The following KIF13A variants were observed in gnomAD, a reference collection of about 807,000 sequenced individuals.
The protein encoded by KIF13A is kinesin-like protein KIF13A.
KIF13A carries 79 observed loss-of-function variants against 212.2 expected under a neutral mutation model. The ratio of observed to expected loss-of-function variants is 0.37; its 90% CI spans 0.31 to 0.45. KIF13A has a LOEUF of 0.45. KIF13A is among the 20% of genes least tolerant of loss of function. The pLI, the probability that KIF13A is intolerant of heterozygous loss-of-function variation, is 1.00. For synonymous variants in KIF13A, 789 were observed against 808.6 expected (o/e 0.98, Z 0.41); for missense variants, 1,901 against 2,209.0 (o/e 0.86, Z 2.79).
At position 17,897,527 on chromosome 6, in the gene KIF13A, C is replaced by G. The variant is rs1772676345; in HGVS notation, c.159+641G>C. Among the ~76,000 whole-genome samples, 1 of 152,202 alleles carries G rather than the reference C, an allele frequency of 6.6e-6. No individual in the cohort carries two copies. The highest frequency in any genetic ancestry group is 2.1e-4 in the South Asian group (1 of 4,836). On this transcript the variant is annotated intron_variant, in intron 3 of 38. Coordinates refer to ENST00000259711, the MANE Select transcript of KIF13A (RefSeq NM_022113.6). The surrounding 1 kb of genome is among the most constrained non-coding windows in gnomAD (Gnocchi z 4.8). The stretch of plus-strand genomic sequence containing the variant: ...CCCACTTCCCTCCTCTAACTATTCT[C>G]TAACTTCTGGCCTTCTCACTGGTAA...
Position 17,794,476 on chromosome 6 carries a change from A to T in KIF13A, c.3076-81T>A. The stretch of plus-strand genomic sequence containing the variant: ...ATAAAGAAGGGGAAAAGGATTAGAG[A>T]ATAAAGATACAAATAGTTAGAAAAT... On this transcript the variant is annotated intron_variant, in intron 24 of 38. Coordinates refer to ENST00000259711, the MANE Select transcript of KIF13A (RefSeq NM_022113.6). The surrounding 1 kb of genome is among the most constrained non-coding windows in gnomAD (Gnocchi z 4.1). The T allele has an allele frequency of 6.4e-7, 1 of 1,562,710 alleles. No homozygotes were observed. The highest frequency in any genetic ancestry group is 8.7e-7 in the Non-Finnish European group (1 of 1,149,566).
At position 17,872,802 on chromosome 6, in the gene KIF13A, A is replaced by C. The variant is rs943596746; in HGVS notation, c.220+575T>G. Among the ~76,000 whole-genome samples, 13 of 151,998 alleles carry C rather than the reference A, an allele frequency of 8.6e-5. No individual in the cohort carries two copies. The highest frequency in any genetic ancestry group is 1.6e-4 in the Non-Finnish European group (11 of 67,998). ...AGGCGCCCACCACCACACCTGAATAAGTTTTGTATGTTTAGTAGAGACGGG... is the reference window on the plus strand; with the variant it reads ...AGGCGCCCACCACCACACCTGAATACGTTTTGTATGTTTAGTAGAGACGGG... On this transcript the variant is annotated intron_variant, in intron 4 of 38. Coordinates refer to ENST00000259711, the MANE Select transcript of KIF13A (RefSeq NM_022113.6). The surrounding 1 kb of genome is among the most constrained non-coding windows in gnomAD (Gnocchi z 4.7).
chr6:17,972,520 A>G (rs929374083), intron 2 of KIF13A, among the ~76,000 whole-genome samples: 3 of 152,228 alleles, frequency 2.0e-5, no homozygotes, highest in African/African-American at 7.2e-5. Flanking sequence ...ACCCTAGAAC[A>G]GAATGTAAGT....
chr6:17,822,668 G>A lies in KIF13A; in HGVS notation c.1786+3100C>T, dbSNP rs940353824. Among the ~76,000 whole-genome samples, 28 of 152,192 alleles carry A rather than the reference G, an allele frequency of 1.8e-4. 1 individual carries two copies. The highest frequency in any genetic ancestry group is 6.5e-4 in the African/African-American group (27 of 41,470). On this transcript the variant is annotated intron_variant, in intron 16 of 38. Coordinates refer to ENST00000259711, the MANE Select transcript of KIF13A (RefSeq NM_022113.6). ...ATTCTGTAACGTCCGCTGAAGCAAT[G>A]AGCTGTCTCCAATGGGAGTTCCTCC...
intron 31 of KIF13A, among the ~76,000 whole-genome samples, chr6:17,779,963 G>A (rs569718368): frequency 6.6e-6 from 1 of 150,886 alleles, no homozygotes; most frequent in Admixed American, 6.6e-5. Flanking sequence ...AGCCAGGATG[G>A]TCTCGATCTC....
At chr6:17,976,165 C>T (rs1354486273) in intron 2 of KIF13A, among the ~76,000 whole-genome samples, 1 of 152,252 alleles carries the variant, frequency 6.6e-6, no homozygotes, top group Admixed American at 6.5e-5. Flanking sequence ...GCAGGTGGAG[C>T]TACCTGCCAC....
At chr6:17,860,509 C>A (rs1293771304) in intron 4 of KIF13A, among the ~76,000 whole-genome samples, 1 of 151,752 alleles carries the variant, frequency 6.6e-6, no homozygotes, top group Non-Finnish European at 1.5e-5. Context: ...TTTTCATGTT[C>A]ACCTTTACTG....
chr6:17,764,475 T>C lies in KIF13A; in HGVS notation c.5053A>G (p.Ile1685Val). 1 of 1,614,018 alleles carries C rather than the reference T, an allele frequency of 6.2e-7. No individual in the cohort carries two copies. Among genetic ancestry groups the C allele is most frequent in the East Asian group, 2.2e-5 (1 of 44,876 alleles). Residue 1685 changes from isoleucine to valine, a missense_variant, in exon 39 of 39, where the codon ATC becomes GTC. By Grantham distance (29) the Ile-to-Val change is conservative (BLOSUM62 3). Transcript: ENST00000259711. This position sits in a 1 kb window ranked among gnomAD's most constrained non-coding sequence, Gnocchi z 5.1. ...LAKGSPSSQS[I>V]PEKNSKSLCR... ...AGTGATTTGGAGTTTTTCTCAGGGA[T>C]GCTCTGGGATGATGGGCTCCCTTTG...
intron 2 of KIF13A, among the ~76,000 whole-genome samples, chr6:17,969,636 T>C (rs1779630480): frequency 6.6e-6 from 1 of 152,156 alleles, no homozygotes; most frequent in African/African-American, 2.4e-5. Flanking sequence ...TTTACCATCC[T>C]GGAGAGGATG....
chr6:17,922,544 A>G (rs1407801638), intron 2 of KIF13A, among the ~76,000 whole-genome samples: 1 of 152,090 alleles, frequency 6.6e-6, no homozygotes, highest in Non-Finnish European at 1.5e-5. Flanking sequence ...CTATTACATT[A>G]ATTCACCAAA....
At position 17,898,111 on chromosome 6, in the gene KIF13A, T is replaced by C; in HGVS notation, c.159+57A>G. On this transcript the variant is annotated intron_variant, in intron 3 of 38. Transcript: ENST00000259711. This position sits in a 1 kb window ranked among gnomAD's most constrained non-coding sequence, Gnocchi z 5.2. ...GTTCTACATGGGTTACAGTGATAAA[T>C]CCTGGATTTTTGCACACTAAGCCAG... 4 of 1,548,080 alleles carry C rather than the reference T, an allele frequency of 2.6e-6. No individual in the cohort carries two copies. The South Asian group carries it at 4.5e-5, about 18-fold the overall frequency.
intron 2 of KIF13A, among the ~76,000 whole-genome samples, chr6:17,966,637 C>T (rs1779341477): frequency 6.6e-6 from 1 of 152,088 alleles, no homozygotes; most frequent in Non-Finnish European, 1.5e-5. Context: ...ATGGTTTCAA[C>T]ATGGATCGGT....
intron 2 of KIF13A, among the ~76,000 whole-genome samples, chr6:17,958,993 G>A (rs906753666): frequency 6.9e-6 from 1 of 144,402 alleles, no homozygotes; most frequent in African/African-American, 2.6e-5. Context: ...CAATCCTCCC[G>A]CCTCAGCCTC....
In KIF13A at chr6:17,764,361, C is replaced by G. The variant is rs1758756045; in HGVS notation, c.5167G>C (p.Val1723Leu). The G allele has an allele frequency of 6.2e-7, 1 of 1,613,872 alleles. No homozygotes were observed. Among genetic ancestry groups the G allele is most frequent in the Non-Finnish European group, 8.5e-7 (1 of 1,179,894 alleles). The change falls in exon 39 of 39, where the codon GTA (valine) becomes CTA (leucine). Residue 1723 changes from valine (V) to leucine (L), a missense_variant. Physicochemically the swap from Val to Leu is conservative, Grantham distance 32 (BLOSUM62 1). Coordinates refer to ENST00000259711, the MANE Select transcript of KIF13A (RefSeq NM_022113.6). The surrounding 1 kb of genome is among the most constrained non-coding windows in gnomAD (Gnocchi z 5.1). ...TCAAGGATGTTGGTGGTGTGTTCTA[C>G]CGTCACCTCCCTGGGGCAGAATCCC... ...ARGFCPREVT[V>L]EHTTNILEDH...
downstream of KIF13A, among the ~76,000 whole-genome samples, chr6:17,762,213 A>ATT (rs34052352): frequency 3.9e-3 from 543 of 138,810 alleles, 1 homozygote; most frequent in Admixed American, 7.7e-3. Context: ...GTGAATTTGA[A>ATT]TTTTTTTTTT....
chr6:17,950,398 C>G (rs1417328501), intron 2 of KIF13A: 2 of 966,638 alleles, frequency 2.1e-6, no homozygotes, highest in African/African-American at 3.5e-5. Context: ...TAATGACTCA[C>G]AGACATGTGC....
At position 17,987,531 on chromosome 6, in the gene KIF13A, C is replaced by G. The variant is rs1355222113; in HGVS notation, c.-68G>C. 6.9e-6 allele frequency: 6 copies of G among 866,704 alleles called. No individual in the cohort carries two copies. Among genetic ancestry groups the G allele is most frequent in the African/African-American group, 3.7e-5 (2 of 54,256 alleles). The allele number at this position is 866,704 out of a possible 1,614,324, so 53.7% of individuals were successfully genotyped here. On this transcript the variant is annotated 5_prime_UTR_variant, in exon 1 of 39. Transcript: ENST00000259711. The surrounding 1 kb of genome is among the most constrained non-coding windows in gnomAD (Gnocchi z 7.7). ...TTAGGCGGCCCCTCACGCGCGGCGC[C>G]GCCGCCGCTGCAGCCGCGCGCCCCT...
chr6:17,900,818 C>T lies in KIF13A; in HGVS notation c.147-2638G>A, dbSNP rs995396405. ...CAGGGGCCAGGCACAGTGGCTCACACCTGTAATCCCAGCACTTTGGGAGGC... is the reference window on the plus strand; with the variant it reads ...CAGGGGCCAGGCACAGTGGCTCACATCTGTAATCCCAGCACTTTGGGAGGC... On this transcript the variant is annotated intron_variant, in intron 2 of 38. Coordinates refer to ENST00000259711, the MANE Select transcript of KIF13A (RefSeq NM_022113.6). This position sits in a 1 kb window ranked among gnomAD's most constrained non-coding sequence, Gnocchi z 4.6. Among the ~76,000 whole-genome samples, 18 of 152,166 alleles carry T rather than the reference C, an allele frequency of 1.2e-4. No homozygotes were observed. The highest frequency in any genetic ancestry group is 6.2e-4 in the South Asian group (3 of 4,830).
intron 12 of KIF13A, 106 bp downstream of exon 12, chr6:17,833,855 C>CA (rs11358140): frequency 0.14 from 51,958 of 362,864 alleles, 2,210 homozygotes; most frequent in Admixed American, 0.25. Context: ...GACTCCGTCT[C>CA]AAAAAAAAAA....
Sources: allele counts gnomAD v4.1 joint callset (sites outside exome capture counted in the v4.1 genomes callset), GRCh38; gene constraint gnomAD v4.1.1; non-coding constraint Gnocchi (gnomAD v3.1); transcripts MANE v1.5; gene names NCBI Gene and HGNC (gene_info 2026-07-23, HGNC 2026-07-21).